Variants in ANKRD18B observed in about 807,000 individuals in gnomAD.
The protein encoded by ANKRD18B is ankyrin repeat domain 18B.
Under a neutral mutation model 111.8 loss-of-function variants are expected in ANKRD18B, and 75 were observed. The ratio of observed to expected loss-of-function variants is 0.67; its 90% CI spans 0.56 to 0.81. ANKRD18B has a LOEUF of 0.81. ANKRD18B is among the 40% of genes least tolerant of loss of function. ANKRD18B has a pLI of 0.00. For missense variants in ANKRD18B, 1,038 were observed against 1,225.5 expected (o/e 0.85, Z 2.28); for synonymous variants, 356 against 417.3 (o/e 0.85, Z 1.79).
intron 10 of ANKRD18B, 24 bp from the exon 11 acceptor site, chr9:33,547,913 TA>T: frequency 7.3e-7 from 1 of 1,370,500 alleles, no homozygotes; most frequent in Non-Finnish European, 9.6e-7. Context: ...GAGTGCTAAC[TA>T]AAAATTTGTT....
chr9:33,536,524 G>T (rs3954921), intron 5 of ANKRD18B, among the ~76,000 whole-genome samples: 150,768 of 152,330 alleles, frequency 0.99, 74,632 homozygotes, highest in Middle Eastern at 1. Flanking sequence ...GTAAAACCTT[G>T]ATTTTTTAGA....
intron 13 of ANKRD18B, among the ~76,000 whole-genome samples, 174 bp from the exon 14 acceptor site, chr9:33,557,884 A>G (rs1225704238): frequency 1.3e-5 from 2 of 152,148 alleles, no homozygotes; most frequent in African/African-American, 4.8e-5. Context: ...CATATTATTT[A>G]TATAAGATTA....
chr9:33,572,986 C>T lies in ANKRD18B; in HGVS notation c.*552C>T. 3.0e-6 allele frequency: 1 copy of T among 329,690 alleles called. No individual in the cohort carries two copies. Among genetic ancestry groups the T allele is most frequent in the Admixed American group, 5.4e-5 (1 of 18,456 alleles). The allele number at this position is 329,690 out of a possible 1,614,324, so 20.4% of individuals were successfully genotyped here. On this transcript the variant is annotated 3_prime_UTR_variant, in exon 19 of 19. Transcript: ENST00000684830. Reference sequence around the variant, plus strand: ...CTTTGTTCTACATGGAGAAATAAAACCAATAAATAAAGGAGAAGGGAAAGT... The same window carrying T: ...CTTTGTTCTACATGGAGAAATAAAATCAATAAATAAAGGAGAAGGGAAAGT...
Position 33,572,537 on chromosome 9 carries a change from T to C in ANKRD18B, c.*103T>C. 7.4e-7 allele frequency: 1 copy of C among 1,359,246 alleles called. No individual in the cohort carries two copies. The highest frequency in any genetic ancestry group is 2.0e-5 in the South Asian group (1 of 51,216). The allele number at this position is 1,359,246 out of a possible 1,614,324, so 84.2% of individuals were successfully genotyped here. A position where few individuals can be genotyped will look rare whatever the true frequency, so the allele number is the denominator to read the frequency against. On this transcript the variant is annotated 3_prime_UTR_variant, in exon 19 of 19. Transcript: ENST00000684830. Reference sequence around the variant, plus strand: ...TTTACTAAAGTAGAATATTTTCATATCATATGATGTATATTTATATGTTAT... The same window carrying C: ...TTTACTAAAGTAGAATATTTTCATACCATATGATGTATATTTATATGTTAT...
chr9:33,556,426 G>A (rs1319743734), intron 13 of ANKRD18B, among the ~76,000 whole-genome samples: 2 of 151,774 alleles, frequency 1.3e-5, no homozygotes. Flanking sequence ...ACCCTGCCTG[G>A]CTAATTTTTG....
In ANKRD18B at chr9:33,548,705, T is replaced by C. The variant is rs759283991; in HGVS notation, c.1917T>C (p.Asp639=). Reference sequence around the variant, plus strand: ...TAGAGGATGCTCGTAAGGAAGGTGATAATAAAGAGATAGTCATTAATATCC... The same window carrying C: ...TAGAGGATGCTCGTAAGGAAGGTGACAATAAAGAGATAGTCATTAATATCC... ...RQLEDARKEG[D]NKEIVINIHR... is the part of the protein sequence containing the mutation. Residue 639 remains aspartate, a synonymous_variant, in exon 11 of 19, where the codon GAT becomes GAC. Coordinates refer to ENST00000684830, the MANE Select transcript of ANKRD18B (RefSeq NM_001393611.1). The C allele has an allele frequency of 3.9e-6, 6 of 1,551,072 alleles. No individual in the cohort carries two copies. The South Asian group carries it at 6.0e-5, about 15-fold the overall frequency.
chr9:33,538,301 A>G (rs925159105), intron 6 of ANKRD18B, among the ~76,000 whole-genome samples: 2 of 152,246 alleles, frequency 1.3e-5, no homozygotes, highest in Admixed American at 1.3e-4. Context: ...GTTATGTTTC[A>G]TATTCTTATA....
At chr9:33,529,484 T>C (rs1293174326) in intron 3 of ANKRD18B, among the ~76,000 whole-genome samples, 1 of 152,184 alleles carries the variant, frequency 6.6e-6, no homozygotes, top group Non-Finnish European at 1.5e-5. Context: ...AAAATTGCCC[T>C]GGAAATAGGC....
At position 33,524,710 on chromosome 9, in the gene ANKRD18B, G is replaced by A. The variant is rs1331621367; in HGVS notation, c.206+15G>A. ...AGAAAAGACAGGTAGCGGGGGCTCAGCCCTCGGTGGGAGGGGGCCCCCAGG... is the reference window on the plus strand; with the variant it reads ...AGAAAAGACAGGTAGCGGGGGCTCAACCCTCGGTGGGAGGGGGCCCCCAGG... On this transcript the variant is annotated intron_variant, in intron 1 of 18. Coordinates refer to ENST00000684830, the MANE Select transcript of ANKRD18B (RefSeq NM_001393611.1). The A allele has an allele frequency of 1.5e-5, 23 of 1,546,402 alleles. No individual in the cohort carries two copies. Among genetic ancestry groups the A allele is most frequent in the Middle Eastern group, 2.1e-4 (1 of 4,814 alleles).
chr9:33,545,975 T>G (rs1280951218), intron 10 of ANKRD18B, among the ~76,000 whole-genome samples: 1 of 152,202 alleles, frequency 6.6e-6, no homozygotes, highest in African/African-American at 2.4e-5. Flanking sequence ...TGTTCATTCA[T>G]CAACCTAAGT....
intron 6 of ANKRD18B, among the ~76,000 whole-genome samples, chr9:33,537,741 G>GT (rs1231935714): frequency 1.3e-5 from 2 of 152,078 alleles, no homozygotes; most frequent in African/African-American, 2.4e-5. Flanking sequence ...CCTTCCAAAC[G>GT]TAACTACTAA....
At chr9:33,559,700 T>A (rs1448344481) in intron 14 of ANKRD18B, among the ~76,000 whole-genome samples, 2 of 152,292 alleles carry the variant, frequency 1.3e-5, no homozygotes, top group Non-Finnish European at 2.9e-5. Flanking sequence ...GACGTGCTGT[T>A]GATTCTCTTA....
At chr9:33,570,876 T>C (rs1828764285) in intron 17 of ANKRD18B, among the ~76,000 whole-genome samples, 1 of 152,148 alleles carries the variant, frequency 6.6e-6, no homozygotes, top group Admixed American at 6.5e-5. Flanking sequence ...GACCTCGTGA[T>C]CTGCCCACAT....
intron 12 of ANKRD18B, among the ~76,000 whole-genome samples, chr9:33,553,600 C>CAAT (rs1350460553): frequency 2.0e-5 from 3 of 152,084 alleles, no homozygotes; most frequent in East Asian, 1.9e-4. Flanking sequence ...TGAAGAATCT[C>CAAT]GATCAGGAAG....
At chr9:33,571,527 CTT>C (rs952569007) in intron 18 of ANKRD18B, 1 of 161,010 alleles carries the variant, frequency 6.2e-6, no homozygotes, top group African/African-American at 2.4e-5. Context: ...GGATCCATCT[CTT>C]TTTTACTGAT....
At chr9:33,557,398 G>A (rs1044687511) in intron 13 of ANKRD18B, among the ~76,000 whole-genome samples, 4 of 151,842 alleles carry the variant, frequency 2.6e-5, no homozygotes, top group Non-Finnish European at 5.9e-5. Flanking sequence ...CTTTTTTAAA[G>A]TCTTGGTTAC....
chr9:33,567,452 T>G, intron 16 of ANKRD18B, 138 bp downstream of exon 16: 1 of 709,964 alleles, frequency 1.4e-6, no homozygotes, highest in Non-Finnish European at 2.3e-6. Context: ...GAAAATAATG[T>G]TAGTAAATAA....
intron 10 of ANKRD18B, among the ~76,000 whole-genome samples, chr9:33,545,110 C>T (rs7022590): frequency 2.0e-5 from 3 of 152,196 alleles, no homozygotes; most frequent in African/African-American, 7.2e-5. Flanking sequence ...TACTCTGGGT[C>T]CCTCCAACAC....
chr9:33,566,156 G>T, intron 14 of ANKRD18B, 63 bp from the exon 15 acceptor site: 4 of 1,397,146 alleles, frequency 2.9e-6, no homozygotes, highest in Non-Finnish European at 2.9e-6. Context: ...ATTTGCTATT[G>T]GTTTTGTATT....
Sources: allele counts gnomAD v4.1 joint callset (sites outside exome capture counted in the v4.1 genomes callset), GRCh38; gene constraint gnomAD v4.1.1; transcripts MANE v1.5; gene names NCBI Gene and HGNC (gene_info 2026-07-23, HGNC 2026-07-21).